PDE4B: variants seen among roughly 807,000 people sequenced by gnomAD.
PDE4B encodes phosphodiesterase 4B, also known as 3',5'-cyclic-AMP phosphodiesterase 4B.
PDE4B carries 20 observed loss-of-function variants against 82.2 expected under a neutral mutation model. That is an observed-to-expected ratio of 0.24 (90% CI 0.17 to 0.35). The LOEUF (loss-of-function observed/expected upper bound fraction) is 0.35, where lower values mean the gene tolerates loss of function less well. Ranked by LOEUF, PDE4B falls within the 10% of genes least tolerant of loss-of-function variation. The probability of loss-of-function intolerance (pLI) is 1.00; values close to 1 mark genes in which losing one functional copy is unlikely to be tolerated. For synonymous variants in PDE4B, 320 were observed against 318.9 expected, an observed-to-expected ratio of 1.00 and a Z score of -0.04; for missense variants, 655 against 907.2, an observed-to-expected ratio of 0.72 and a Z score of 3.57.
At chr1:66,250,450 CAG>C (rs1253373856) in intron 4 of PDE4B, among the ~76,000 whole-genome samples, 1 of 152,020 alleles carries the variant, frequency 6.6e-6, no homozygotes, top group African/African-American at 2.4e-5. Flanking sequence ...AGAAGAGTAA[CAG>C]AAAATTATAG....
intron 1 of PDE4B, among the ~76,000 whole-genome samples, chr1:65,827,364 G>A (rs1434165797): frequency 6.6e-6 from 1 of 152,046 alleles, no homozygotes; most frequent in Non-Finnish European, 1.5e-5. Flanking sequence ...TAAAATAACT[G>A]ATTAGCATGT....
intron 1 of PDE4B, among the ~76,000 whole-genome samples, chr1:65,872,483 C>T (rs1646584780): frequency 6.6e-6 from 1 of 152,076 alleles, no homozygotes. Context: ...TTAACGCTAT[C>T]TTACTTAGAA....
chr1:66,091,683 T>C (rs1277180411), intron 3 of PDE4B, among the ~76,000 whole-genome samples: 1 of 152,034 alleles, frequency 6.6e-6, no homozygotes, highest in Non-Finnish European at 1.5e-5. Flanking sequence ...GAGTTGTAGT[T>C]GCTCAAGAGT....
Position 66,365,684 on chromosome 1 carries a change from G to A in PDE4B, c.1302G>A (p.Leu434=). 1 of 1,608,174 alleles carries A rather than the reference G, an allele frequency of 6.2e-7. No individual in the cohort carries two copies. Among genetic ancestry groups the A allele is most frequent in the Non-Finnish European group, 8.5e-7 (1 of 1,175,390 alleles). Residue 434 remains leucine (L), a synonymous_variant, in exon 13 of 17, where the codon TTG becomes TTA. Transcript: ENST00000341517. ...CCCGACAGGCTGTCTTCACAGATTT[G>A]GAGATCCTGGCTGCCATTTTTGCAG... The part of the protein sequence containing the change: ...TPALDAVFTD[L]EILAAIFAAA...
At chr1:65,944,824 G>A (rs1386056441) in intron 3 of PDE4B, among the ~76,000 whole-genome samples, 1 of 151,908 alleles carries the variant, frequency 6.6e-6, no homozygotes, top group African/African-American at 2.4e-5. Context: ...TATGAATCTA[G>A]TAGTCCTGGT....
chr1:65,971,680 T>C (rs561480062), intron 3 of PDE4B, among the ~76,000 whole-genome samples: 4 of 152,182 alleles, frequency 2.6e-5, no homozygotes, highest in Non-Finnish European at 5.9e-5. Context: ...AAGTAGAATA[T>C]GATAGTCCCT....
At chr1:65,799,597 G>A (rs1645671976) in intron 1 of PDE4B, among the ~76,000 whole-genome samples, 1 of 152,176 alleles carries the variant, frequency 6.6e-6, no homozygotes, top group South Asian at 2.1e-4. Flanking sequence ...TGCACTAACT[G>A]TGGATTGTCT....
At chr1:66,227,557 A>G (rs1245633051) in intron 3 of PDE4B, among the ~76,000 whole-genome samples, 2 of 152,216 alleles carry the variant, frequency 1.3e-5, no homozygotes, top group Non-Finnish European at 2.9e-5. Context: ...CCTTTTGTAT[A>G]TATTACTTCA....
intron 3 of PDE4B, among the ~76,000 whole-genome samples, chr1:66,231,637 C>G (rs553884559): frequency 2.2e-4 from 33 of 152,186 alleles, no homozygotes; most frequent in Non-Finnish European, 4.4e-4. Flanking sequence ...TCCTCAAATA[C>G]TTAAATTTGA....
At chr1:65,961,468 TC>T (rs1297421665) in intron 3 of PDE4B, among the ~76,000 whole-genome samples, 1 of 152,198 alleles carries the variant, frequency 6.6e-6, no homozygotes, top group East Asian at 1.9e-4. Flanking sequence ...ATTTTATAGC[TC>T]CTCTTTTATA....
intron 10 of PDE4B, 64 bp from the exon 11 acceptor site, chr1:66,363,104 A>C: frequency 8.9e-7 from 1 of 1,118,346 alleles, no homozygotes; most frequent in Non-Finnish European, 1.3e-6. Context: ...AAATAAATTA[A>C]AAAAATGAGG....
chr1:66,088,874 T>A (rs1402164958), intron 3 of PDE4B, among the ~76,000 whole-genome samples: 2 of 152,136 alleles, frequency 1.3e-5, no homozygotes, highest in Non-Finnish European at 2.9e-5. Context: ...AAGAGTTAGT[T>A]TGTGATTCAT....
chr1:66,315,518 C>T lies in PDE4B; in HGVS notation c.635-16990C>T, dbSNP rs532665548. On this transcript the variant is annotated intron_variant, in intron 7 of 16. Coordinates refer to ENST00000341517, the MANE Select transcript of PDE4B (RefSeq NM_002600.4). ...TCACCCAGGCTGGAGTGCAGTGGCA[C>T]GATCTTGGCTCACTACAACCTCCGC... Among the ~76,000 whole-genome samples, 56 of 152,238 alleles carry T rather than the reference C, an allele frequency of 3.7e-4. No individual in the cohort carries two copies. In the South Asian group the frequency reaches 9.5e-3, roughly 26 times the overall value.
intron 3 of PDE4B, among the ~76,000 whole-genome samples, chr1:66,084,646 C>T (rs1446624538): frequency 6.6e-6 from 1 of 152,058 alleles, no homozygotes. Flanking sequence ...TGTTCCAAAT[C>T]AATGCTCTAG....
chr1:66,009,155 A>G (rs780720283), intron 3 of PDE4B, among the ~76,000 whole-genome samples: 5 of 152,160 alleles, frequency 3.3e-5, no homozygotes, highest in Non-Finnish European at 5.9e-5. Flanking sequence ...AATGCAATTC[A>G]ATTTTTCTAA....
chr1:66,202,103 T>C (rs1361593129), intron 3 of PDE4B, among the ~76,000 whole-genome samples: 1 of 152,108 alleles, frequency 6.6e-6, no homozygotes, highest in Non-Finnish European at 1.5e-5. Context: ...TTTTGTTATG[T>C]ACCCAGTAGT....
At chr1:66,006,864 G>T (rs1652180400) in intron 3 of PDE4B, among the ~76,000 whole-genome samples, 1 of 152,200 alleles carries the variant, frequency 6.6e-6, no homozygotes, top group South Asian at 2.1e-4. Flanking sequence ...GCGAAATTGT[G>T]AGTCAATTAA....
intron 3 of PDE4B, among the ~76,000 whole-genome samples, chr1:66,201,370 T>C (rs1325214904): frequency 6.6e-6 from 1 of 152,130 alleles, no homozygotes; most frequent in Non-Finnish European, 1.5e-5. Flanking sequence ...TAAAATGAGT[T>C]AGGGAGGATT....
chr1:66,241,946 C>G (rs1056755785), intron 3 of PDE4B, among the ~76,000 whole-genome samples: 3 of 152,132 alleles, frequency 2.0e-5, no homozygotes, highest in African/African-American at 7.2e-5. Flanking sequence ...AAGATCTTTG[C>G]ATTCATTTAA....
Sources: gnomAD v4.1 joint callset for allele counts (sites outside exome capture counted in the v4.1 genomes callset) on GRCh38, gnomAD v4.1.1 for gene constraint, MANE v1.5 for transcripts, NCBI Gene and HGNC (gene_info 2026-07-23, HGNC 2026-07-21) for gene names.